Variants in TTC23L observed in about 807,000 individuals in gnomAD.
TTC23L encodes the protein tetratricopeptide repeat protein 23-like.
TTC23L carries 42 observed loss-of-function variants against 48.1 expected under a neutral mutation model. That is an observed-to-expected ratio of 0.87 (90% CI 0.68 to 1.13). TTC23L has a LOEUF of 1.13. Ranked by LOEUF, TTC23L falls within the 50% of genes most tolerant of loss-of-function variation. The probability of loss-of-function intolerance (pLI) is 0.00; values close to 1 mark genes in which losing one functional copy is unlikely to be tolerated. For synonymous variants in TTC23L, 159 were observed against 157.2 expected (o/e 1.01, Z -0.09); for missense variants, 391 against 421.0 (o/e 0.93, Z 0.62).
chr5:34,922,312 G>A, the TTC23L span: 1 of 1,410,418 alleles, frequency 7.1e-7, no homozygotes, highest in Non-Finnish European at 9.9e-7. Flanking sequence ...TAAGATTTTG[G>A]TTAAACTCAT....
the TTC23L span, chr5:34,913,902 G>A: frequency 1.1e-5 from 5 of 437,768 alleles, no homozygotes; most frequent in Non-Finnish European, 2.3e-5. Context: ...ATTTTTTATT[G>A]ATACGGGGGT....
At chr5:34,902,172 C>A (rs1449350630), downstream of TTC23L, among the ~76,000 whole-genome samples, 3 of 152,050 alleles carry the variant, frequency 2.0e-5, no homozygotes, top group Non-Finnish European at 2.9e-5. Context: ...GCCTGTAATC[C>A]CAGCACTTTG....
At chr5:34,901,283 C>T (rs1449756090), downstream of TTC23L, among the ~76,000 whole-genome samples, 1 of 151,646 alleles carries the variant, frequency 6.6e-6, no homozygotes, top group Non-Finnish European at 1.5e-5. Context: ...TGGATTTACA[C>T]AGTTCAAACC....
At chr5:34,919,340 T>G in the TTC23L span, among the ~76,000 whole-genome samples, 6 of 150,982 alleles carry the variant, frequency 4.0e-5, no homozygotes, top group East Asian at 9.7e-4. Context: ...ATATGGCTGT[T>G]GTTGTGCTTA....
the TTC23L span, chr5:34,909,204 TG>T: frequency 7.6e-7 from 1 of 1,309,582 alleles, no homozygotes; most frequent in Non-Finnish European, 1.1e-6. Flanking sequence ...AACAGAAATC[TG>T]GTATTTAACC....
In TTC23L at chr5:34,840,702, G is replaced by A. The variant is rs375112122; in HGVS notation, c.31G>A (p.Val11Ile). 50 of 1,613,864 alleles carry A rather than the reference G, an allele frequency of 3.1e-5. No individual in the cohort carries two copies. The highest frequency in any genetic ancestry group is 4.0e-5 in the Non-Finnish European group (47 of 1,179,882). The change falls in exon 2 of 11, where the codon GTT becomes ATT. Residue 11 changes from valine (V) to isoleucine (I), a missense_variant. Val to Ile is a conservative substitution (Grantham distance 29, BLOSUM62 3). Coordinates refer to ENST00000505624, the Ensembl canonical transcript of TTC23L. The stretch of plus-strand genomic sequence containing the variant: ...AGCCAGCCCCATCCGTATCCCAACT[G>A]TTAGCAATGACATCGACTGGGATTT...
At chr5:34,910,217 G>A in the TTC23L span, among the ~76,000 whole-genome samples, 1 of 152,036 alleles carries the variant, frequency 6.6e-6, no homozygotes, top group Non-Finnish European at 1.5e-5. Flanking sequence ...TTCCCATCCT[G>A]GAGATGAAAG....
chr5:34,842,271 G>T, intron 2 of TTC23L, among the ~76,000 whole-genome samples: 2 of 151,830 alleles, frequency 1.3e-5, no homozygotes, highest in East Asian at 1.9e-4. Flanking sequence ...TACATTTACA[G>T]CACATCTTAA....
intron 2 of TTC23L, among the ~76,000 whole-genome samples, chr5:34,841,450 T>G (rs2150337516): frequency 6.6e-6 from 1 of 152,362 alleles, no homozygotes; most frequent in Admixed American, 6.5e-5. Context: ...TTAGGGAGTT[T>G]GCCCAAAGTT....
intron 10 of TTC23L, among the ~76,000 whole-genome samples, chr5:34,897,246 G>A (rs1352991836): frequency 2.6e-5 from 4 of 151,914 alleles, no homozygotes; most frequent in Non-Finnish European, 4.4e-5. Flanking sequence ...TTAGCCGGGC[G>A]TGGTAGCATG....
At chr5:34,867,132 G>A (rs764235633) in intron 7 of TTC23L, 63 bp downstream of exon 7, 86 of 1,512,218 alleles carry the variant, frequency 5.7e-5, no homozygotes, top group Non-Finnish European at 7.2e-5. Context: ...TGGTTCTCAG[G>A]GCCAGGGAAG....
intron 8 of TTC23L, among the ~76,000 whole-genome samples, chr5:34,878,520 A>G (rs1341194873): frequency 6.6e-6 from 1 of 152,244 alleles, no homozygotes; most frequent in Non-Finnish European, 1.5e-5. Flanking sequence ...ATTGATTCTG[A>G]AGTTTACATG....
At chr5:34,839,568 G>A (rs1020547208) in intron 1 of TTC23L, 14 of 905,808 alleles carry the variant, frequency 1.5e-5, no homozygotes, top group African/African-American at 1.8e-5. Flanking sequence ...TCTTTGCTGT[G>A]GGCATAGTGT....
At chr5:34,913,452 A>G in the TTC23L span, 3 of 1,436,404 alleles carry the variant, frequency 2.1e-6, no homozygotes, top group East Asian at 6.8e-5. Context: ...TTATGTCTTT[A>G]TACTGATCAT....
chr5:34,850,322 C>T lies in TTC23L; in HGVS notation c.379+14C>T. On this transcript the variant is annotated intron_variant, in intron 4 of 10. Coordinates refer to ENST00000505624, the Ensembl canonical transcript of TTC23L. ...TGACACTGAGAGGTACTTGGTTTTCCCAGCTGGGTTTGGGTGGCCAGCCTC... is the reference window on the plus strand; with the variant it reads ...TGACACTGAGAGGTACTTGGTTTTCTCAGCTGGGTTTGGGTGGCCAGCCTC... 1 of 1,613,118 alleles carries T rather than the reference C, an allele frequency of 6.2e-7. No individual in the cohort carries two copies.
intron 4 of TTC23L, among the ~76,000 whole-genome samples, chr5:34,858,022 G>C (rs1484259642): frequency 6.6e-6 from 1 of 152,202 alleles, no homozygotes; most frequent in Admixed American, 6.5e-5. Context: ...CAGAATCGAT[G>C]ATAGAATCCC....
At chr5:34,908,598 G>T in the TTC23L span, 1 of 563,776 alleles carries the variant, frequency 1.8e-6, no homozygotes, top group Non-Finnish European at 3.1e-6. Flanking sequence ...CTACAAAATG[G>T]ATTTACAAAA....
At chr5:34,884,083 A>G (rs1762404356) in intron 9 of TTC23L, among the ~76,000 whole-genome samples, 1 of 152,214 alleles carries the variant, frequency 6.6e-6, no homozygotes, top group African/African-American at 2.4e-5. Context: ...TATCCCTGGG[A>G]TGTAAGAATG....
chr5:34,898,249 TA>T (rs1391351338), intron 10 of TTC23L, among the ~76,000 whole-genome samples: 8 of 152,166 alleles, frequency 5.3e-5, no homozygotes, highest in African/African-American at 1.9e-4. Flanking sequence ...CAAACGGAGA[TA>T]GGGGCTGAAT....
Sources: gnomAD v4.1 joint callset for allele counts (sites outside exome capture counted in the v4.1 genomes callset) on GRCh38, gnomAD v4.1.1 for gene constraint, MANE v1.5 for transcripts, NCBI Gene and HGNC (gene_info 2026-07-23, HGNC 2026-07-21) for gene names.